HSP90AA1: variants seen among roughly 807,000 people sequenced by gnomAD.
HSP90AA1 encodes the protein heat shock protein 90 alpha family class A member 1.
HSP90AA1 carries 18 observed loss-of-function variants against 73.3 expected under a neutral mutation model. That is an observed-to-expected ratio of 0.25 (90% confidence interval 0.17 to 0.36). The LOEUF (loss-of-function observed/expected upper bound fraction) is 0.36. Among genes scored for constraint, HSP90AA1 ranks in the 10% least tolerant of loss-of-function variants. The pLI, the probability that HSP90AA1 is intolerant of heterozygous loss-of-function variation, is 1.00. For synonymous variants in HSP90AA1, 477 were observed against 296.9 expected (o/e 1.61, Z -6.24); for missense variants, 704 against 874.2 (o/e 0.81, Z 2.45).
rs1420817049 is a variant in HSP90AA1 at position 102,085,999 on chromosome 14, A to G, written c.288T>C (p.Ile96=). 9.3e-6 allele frequency: 15 copies of G among 1,613,890 alleles called. No individual in the cohort carries two copies. Among genetic ancestry groups the G allele is most frequent in the Non-Finnish European group, 1.3e-5 (15 of 1,179,880 alleles). The part of the protein sequence containing the change: ...DRTLTIVDTG[I]GMTKADLINN... ...TGATCAAGTCAGCCTTGGTCATTCC[A>G]ATTCCAGTATCCACAATAGTGAGAG... is the stretch of plus-strand genomic sequence containing the variant. Residue 96 remains isoleucine, a synonymous_variant, in exon 3 of 11, where the codon ATT becomes ATC. Coordinates refer to ENST00000216281, the MANE Select transcript of HSP90AA1 (RefSeq NM_005348.4).
chr14:102,126,187 G>C (rs568981500), intron 1 of HSP90AA1, among the ~76,000 whole-genome samples: 2 of 152,022 alleles, frequency 1.3e-5, no homozygotes, highest in African/African-American at 4.8e-5. Context: ...TGGGATGAGC[G>C]GCCTTCTATT....
chr14:102,113,077 G>A (rs1456465230), intron 1 of HSP90AA1, among the ~76,000 whole-genome samples: 2 of 151,990 alleles, frequency 1.3e-5, no homozygotes, highest in African/African-American at 2.4e-5. Context: ...AGGCTGGAGT[G>A]CAGTAGTGCG....
intron 2 of HSP90AA1, among the ~76,000 whole-genome samples, chr14:102,093,698 C>T (rs2049388676): frequency 6.6e-6 from 1 of 152,046 alleles, no homozygotes; most frequent in Admixed American, 6.6e-5. Context: ...AAGGGCCAGG[C>T]GAGGTAGCTG....
chr14:102,115,024 G>A (rs935463759), intron 1 of HSP90AA1, among the ~76,000 whole-genome samples: 2 of 151,872 alleles, frequency 1.3e-5, no homozygotes, highest in African/African-American at 4.8e-5. Context: ...GGCGCCTGTA[G>A]TCCCACCTGC....
chr14:102,093,151 G>C (rs1207241934), intron 2 of HSP90AA1, among the ~76,000 whole-genome samples: 1 of 150,954 alleles, frequency 6.6e-6, no homozygotes, highest in Non-Finnish European at 1.5e-5. Flanking sequence ...TTCATACTTA[G>C]GAAAGAAAAA....
intron 1 of HSP90AA1, among the ~76,000 whole-genome samples, chr14:102,120,614 T>A (rs1221784675): frequency 6.6e-6 from 1 of 152,064 alleles, no homozygotes; most frequent in Non-Finnish European, 1.5e-5. Context: ...ACTCAGAGTT[T>A]AATAAAACCT....
chr14:102,127,030 G>A (rs1566736040), intron 1 of HSP90AA1, among the ~76,000 whole-genome samples: 1 of 115,750 alleles, frequency 8.6e-6, no homozygotes, highest in African/African-American at 2.8e-5. Flanking sequence ...TTCAGAGAGT[G>A]AGAAGTACTT....
intron 1 of HSP90AA1, among the ~76,000 whole-genome samples, chr14:102,135,774 C>T (rs1164826181): frequency 6.6e-6 from 1 of 152,220 alleles, no homozygotes; most frequent in Non-Finnish European, 1.5e-5. Flanking sequence ...CCTCATTGCC[C>T]GGGGCCAGCA....
intron 1 of HSP90AA1, among the ~76,000 whole-genome samples, chr14:102,134,796 G>A (rs775258651): frequency 4.6e-5 from 7 of 152,208 alleles, no homozygotes; most frequent in African/African-American, 1.4e-4. Flanking sequence ...AAGGGAGAAA[G>A]AACAAAGCTT....
At chr14:102,135,899 C>T (rs538956329) in intron 1 of HSP90AA1, among the ~76,000 whole-genome samples, 51 of 152,304 alleles carry the variant, frequency 3.3e-4, no homozygotes, top group African/African-American at 1.2e-3. Flanking sequence ...TCTCCCTGCA[C>T]ACCTCCCTGC....
chr14:102,111,470 C>T (rs577277734), intron 1 of HSP90AA1, among the ~76,000 whole-genome samples: 2 of 152,216 alleles, frequency 1.3e-5, no homozygotes, highest in Non-Finnish European at 2.9e-5. Context: ...GGAACCTCTG[C>T]CTAGATTTCC....
chr14:102,081,674 T>A lies in HSP90AA1; in HGVS notation c.*38A>T. 1 of 854,002 alleles carries A rather than the reference T, an allele frequency of 1.2e-6. No homozygotes were observed. The highest frequency in any genetic ancestry group is 1.3e-5 in the South Asian group (1 of 75,970). 52.9% of individuals were successfully genotyped at this position (854,002 alleles called of 1,614,324 possible). On this transcript the variant is annotated 3_prime_UTR_variant, in exon 11 of 11. Coordinates refer to ENST00000216281, the MANE Select transcript of HSP90AA1 (RefSeq NM_005348.4). ...TGAAAATATATTATCAGAGGAATTG[T>A]AGAGTACTGAACAGGTAAGTCATCC...
upstream of HSP90AA1, among the ~76,000 whole-genome samples, chr14:102,090,160 A>C (rs2049335034): frequency 6.6e-6 from 1 of 152,142 alleles, no homozygotes; most frequent in Admixed American, 6.5e-5. Context: ...ACTCGCCCCC[A>C]CGAGGCTGTG....
At chr14:102,089,358 C>T (rs1281343656), upstream of HSP90AA1, among the ~76,000 whole-genome samples, 1 of 152,198 alleles carries the variant, frequency 6.6e-6, no homozygotes, top group Non-Finnish European at 1.5e-5. Flanking sequence ...TCTTTAATGT[C>T]CCTTCTTCCT....
intron 1 of HSP90AA1, among the ~76,000 whole-genome samples, chr14:102,116,551 T>C (rs532571543): frequency 2.6e-5 from 4 of 152,280 alleles, no homozygotes; most frequent in Non-Finnish European, 5.9e-5. Flanking sequence ...CACCCTTGCA[T>C]GGTCAGGTGA....
Position 102,083,870 on chromosome 14 carries a change from A to T in HSP90AA1, c.1261T>A (p.Leu421Ile), listed in dbSNP as rs1045524232. The T allele has an allele frequency of 6.2e-7, 1 of 1,613,964 alleles. No homozygotes were observed. The highest frequency in any genetic ancestry group is 8.5e-7 in the Non-Finnish European group (1 of 1,179,972). ...TCCGCCAGTTCAGTAAAGAGTTCTA[A>T]GCATTTTTTGACCAAATTCTTCCTG... ...VIRKNLVKKC[L>I]ELFTELAEDK... Residue 421 changes from leucine to isoleucine, a missense_variant, in exon 7 of 11, where the codon TTA (leucine) becomes ATA (isoleucine). Transcript: ENST00000216281.
chr14:102,093,217 T>TA lies in HSP90AA1; in HGVS notation c.367-6840dup, dbSNP rs1045567069. ...ATTAAAAAATATATATATATATATT[T>TA]AAAAAAAAAAAGGCCGGGTGCAGTG... On this transcript the variant is annotated intron_variant, in intron 2 of 11. Transcript: ENST00000334701. Among the ~76,000 whole-genome samples the TA allele has an allele frequency of 2.1e-3, 296 of 142,326 alleles. 3 individuals carry two copies. The highest frequency in any genetic ancestry group is 0.011 in the Middle Eastern group (3 of 282). The allele number at this position is 142,326 out of a possible 152,430, so 93.4% of individuals were successfully genotyped here.
intron 1 of HSP90AA1, among the ~76,000 whole-genome samples, chr14:102,135,322 C>T (rs2049975483): frequency 6.7e-6 from 1 of 149,752 alleles, no homozygotes; most frequent in South Asian, 2.1e-4. Flanking sequence ...TATTTACAAT[C>T]CCTGAGCTAG....
chr14:102,085,274 C>T (rs1291138602), intron 4 of HSP90AA1, 24 bp downstream of exon 4: 2 of 1,606,488 alleles, frequency 1.2e-6, no homozygotes, highest in African/African-American at 1.3e-5. Context: ...CAGAAATTCA[C>T]TCTGCAATTA....
Sources: gnomAD v4.1 joint callset for allele counts (sites outside exome capture counted in the v4.1 genomes callset) on GRCh38, gnomAD v4.1.1 for gene constraint, MANE v1.5 for transcripts, NCBI Gene and HGNC (gene_info 2026-07-23, HGNC 2026-07-21) for gene names.